Variants in SMARCA2 observed in about 807,000 individuals in gnomAD.
SMARCA2 encodes SWI/SNF-related matrix-associated actin-dependent regulator of chromatin subfamily A member 2.
In SMARCA2, 61 loss-of-function variants were observed where a neutral mutation model predicts 199.8. The observed-to-expected ratio is 0.31, with a 90% CI of 0.25 to 0.38. The LOEUF is 0.38. Among genes scored for constraint, SMARCA2 ranks in the 10% least tolerant of loss-of-function variants. The probability of loss-of-function intolerance (pLI) is 1.00; values close to 1 mark genes in which losing one functional copy is unlikely to be tolerated. For missense variants in SMARCA2, 1,344 were observed against 2,012.2 expected, an observed-to-expected ratio of 0.67 and a Z score of 6.35; for synonymous variants, 935 against 732.0, an observed-to-expected ratio of 1.28 and a Z score of -4.48.
rs541976024 is a variant in SMARCA2 at position 2,123,637 on chromosome 9, C to T, written c.3763-82C>T. 1.6e-6 allele frequency: 2 copies of T among 1,227,110 alleles called. No individual in the cohort carries two copies. The highest frequency in any genetic ancestry group is 2.4e-6 in the Non-Finnish European group (2 of 842,612). The allele number at this position is 1,227,110 out of a possible 1,614,324, so 76.0% of individuals were successfully genotyped here. ...GGGACCCTGCAGCCATAGGAAGTGA[C>T]TTGGGGAAGTTGTGTAGTGCTGGGA... On this transcript the variant is annotated intron_variant, in intron 26 of 33. Transcript: ENST00000349721. The surrounding 1 kb of genome is among the most constrained non-coding windows in gnomAD (Gnocchi z 4.1).
intron 31 of SMARCA2, 53 bp downstream of exon 31, chr9:2,182,295 T>A: frequency 1.9e-6 from 2 of 1,041,444 alleles, no homozygotes; most frequent in Non-Finnish European, 2.9e-6. Context: ...TGCCCGTTGT[T>A]CTTTTTAAGT....
chr9:2,026,604 T>G (rs1193002610), intron 1 of SMARCA2, among the ~76,000 whole-genome samples: 1 of 152,232 alleles, frequency 6.6e-6, no homozygotes, highest in Admixed American at 6.5e-5. Flanking sequence ...CAGCCTAACT[T>G]CAGTGTTTGT....
At position 2,075,779 on chromosome 9, in the gene SMARCA2, C is replaced by T. The variant is rs1225816293; in HGVS notation, c.1936-450C>T. Among the ~76,000 whole-genome samples the T allele has an allele frequency of 2.6e-5, 4 of 152,126 alleles. No homozygotes were observed. The East Asian group carries it at 5.8e-4, about 22-fold the overall frequency. ...TTCAAGCGATTCTCCTGCCTCAGCC[C>T]CCCGAGTAGCTGGGATTACAGGCAT... is the stretch of plus-strand genomic sequence containing the variant. On this transcript the variant is annotated intron_variant, in intron 12 of 33. Transcript: ENST00000349721.
rs1416242865 is a variant in SMARCA2 at position 2,169,631 on chromosome 9, A to G, written c.4200-788A>G. Among the ~76,000 whole-genome samples the G allele has an allele frequency of 6.6e-6, 1 of 152,120 alleles. No individual in the cohort carries two copies. The highest frequency in any genetic ancestry group is 2.4e-5 in the African/African-American group (1 of 41,416). ...AGAAGGGATTTATACATGGACAGGC[A>G]CAGGCTGTGAATCCCAAAGGGTGCT... On this transcript the variant is annotated intron_variant, in intron 28 of 33. Transcript: ENST00000349721. The surrounding 1 kb of genome is among the most constrained non-coding windows in gnomAD (Gnocchi z 6.5).
At chr9:2,047,043 C>T (rs1445219209) in intron 4 of SMARCA2, among the ~76,000 whole-genome samples, 186 bp from the exon 5 acceptor site, 5 of 148,714 alleles carry the variant, frequency 3.4e-5, no homozygotes, top group Admixed American at 1.3e-4. Flanking sequence ...CGTTCCCTGT[C>T]TTGCCCTCCT....
chr9:2,107,483 A>G (rs1210923890), intron 23 of SMARCA2, among the ~76,000 whole-genome samples: 1 of 151,950 alleles, frequency 6.6e-6, no homozygotes, highest in Non-Finnish European at 1.5e-5. Context: ...ATGCCCAGCT[A>G]ACTTTTATAT....
chr9:2,163,468 A>G (rs1825786179), intron 28 of SMARCA2, among the ~76,000 whole-genome samples: 5 of 152,286 alleles, frequency 3.3e-5, no homozygotes, highest in Admixed American at 2.0e-4. Context: ...ACCATGAATC[A>G]GTAACTCTTA....
In SMARCA2 at chr9:2,163,286, A is replaced by G. The variant is rs531603668; in HGVS notation, c.4199+1383A>G. On this transcript the variant is annotated intron_variant, in intron 28 of 33. Coordinates refer to ENST00000349721, the MANE Select transcript of SMARCA2 (RefSeq NM_003070.5). ...TGTGCTGTTTTCCTTTTTTCAAAAA[A>G]TAAATTAAGTTCATCCCCTTTAAGG... 2.6e-5 allele frequency among the ~76,000 whole-genome samples: 4 copies of G among 152,286 alleles called. No individual in the cohort carries two copies. The South Asian group carries it at 8.3e-4, about 32-fold the overall frequency.
intron 5 of SMARCA2, among the ~76,000 whole-genome samples, chr9:2,052,575 C>T (rs942473411): frequency 2.1e-4 from 32 of 152,160 alleles, no homozygotes; most frequent in Admixed American, 9.2e-4. Context: ...GAATAACGTG[C>T]GTATAGCAAA....
intron 27 of SMARCA2, chr9:2,160,328 C>A: frequency 4.3e-6 from 2 of 461,882 alleles, no homozygotes; most frequent in Non-Finnish European, 7.7e-6. Context: ...ATTATTAAGG[C>A]CTAGGCTCAG....
Position 2,153,422 on chromosome 9 carries a change from C to G in SMARCA2, c.3982-8264C>G, listed in dbSNP as rs551638220. Among the ~76,000 whole-genome samples the G allele has an allele frequency of 1.9e-4, 29 of 152,090 alleles. No homozygotes were observed. In the South Asian group the frequency reaches 4.2e-3, roughly 22 times the overall value. Reference sequence around the variant, plus strand: ...GTGGTGTGCGCCTGTAGTCCCAGCTCTCAGGAGGGTGAGGTGGGAGGATTG... The same window carrying G: ...GTGGTGTGCGCCTGTAGTCCCAGCTGTCAGGAGGGTGAGGTGGGAGGATTG... On this transcript the variant is annotated intron_variant, in intron 27 of 33. Transcript: ENST00000349721.
At chr9:2,041,106 A>G (rs74800439) in intron 4 of SMARCA2, 4,668 of 352,516 alleles carry the variant, frequency 0.013, 215 homozygotes, top group African/African-American at 0.089. Context: ...GCCTTATACC[A>G]TGGGAGAGAG....
intron 12 of SMARCA2, among the ~76,000 whole-genome samples, chr9:2,075,891 T>C (rs1293037233): frequency 6.6e-6 from 1 of 152,192 alleles, no homozygotes; most frequent in East Asian, 1.9e-4. Context: ...GAGAGAGTGC[T>C]ACTGAGTGAG....
Position 2,047,314 on chromosome 9 carries a change from C to G in SMARCA2, c.876C>G (p.Pro292=), listed in dbSNP as rs1046917367. 4 of 1,024,004 alleles carry G rather than the reference C, an allele frequency of 3.9e-6. No individual in the cohort carries two copies. Among genetic ancestry groups the G allele is most frequent in the Non-Finnish European group, 4.7e-6 (4 of 850,096 alleles). 63.4% of individuals were successfully genotyped at this position (1,024,004 alleles called of 1,614,324 possible). A position where few individuals can be genotyped will look rare whatever the true frequency, so the allele number is the denominator to read the frequency against. Residue 292 remains proline (P), a synonymous_variant, in exon 5 of 34, where the codon CCC becomes CCG. Coordinates refer to ENST00000349721, the MANE Select transcript of SMARCA2 (RefSeq NM_003070.5). Reference sequence around the variant, plus strand: ...GCGGCCGGCCCTCGCCCGCGCCCCCCGCAGCCGCGCAGCCGCCCGCGGCCG... The same window carrying G: ...GCGGCCGGCCCTCGCCCGCGCCCCCGGCAGCCGCGCAGCCGCCCGCGGCCG... ...APGGRPSPAP[P]AAAQPPAAAV...
At chr9:2,078,711 G>C (rs1367498243) in intron 14 of SMARCA2, among the ~76,000 whole-genome samples, 1 of 152,126 alleles carries the variant, frequency 6.6e-6, no homozygotes, top group Non-Finnish European at 1.5e-5. Flanking sequence ...TTGGGAGGCT[G>C]ATGTGGGCCG....
At chr9:2,029,593 C>T (rs1402228395) in intron 2 of SMARCA2, among the ~76,000 whole-genome samples, 1 of 152,196 alleles carries the variant, frequency 6.6e-6, no homozygotes, top group East Asian at 1.9e-4. Context: ...AGTAACTTAT[C>T]CACTAATGAA....
chr9:2,187,484 T>A (rs1052158483), intron 32 of SMARCA2, among the ~76,000 whole-genome samples: 5 of 152,180 alleles, frequency 3.3e-5, no homozygotes, highest in African/African-American at 1.2e-4. Context: ...CCAGCCTGGA[T>A]AACATAGCAA....
Position 2,161,591 on chromosome 9 carries a change from T to A in SMARCA2, c.3982-95T>A, listed in dbSNP as rs1825678332. 6.2e-6 allele frequency: 5 copies of A among 811,746 alleles called. No homozygotes were observed. The South Asian group carries it at 9.1e-5, about 15-fold the overall frequency. The allele number at this position is 811,746 out of a possible 1,614,324, so 50.3% of individuals were successfully genotyped here. On this transcript the variant is annotated intron_variant, in intron 27 of 33. Coordinates refer to ENST00000349721, the MANE Select transcript of SMARCA2 (RefSeq NM_003070.5). The surrounding 1 kb of genome is among the most constrained non-coding windows in gnomAD (Gnocchi z 4.7). ...TTTTGGTTAATTTCTTTCATTTTAT[T>A]CTAATTGTTGGAGCTATATATAAAT... is the stretch of plus-strand genomic sequence containing the variant.
At chr9:2,064,420 A>C (rs1312857752) in intron 9 of SMARCA2, among the ~76,000 whole-genome samples, 4 of 152,248 alleles carry the variant, frequency 2.6e-5, no homozygotes, top group African/African-American at 9.6e-5. Context: ...AAGCATGTAG[A>C]ATACACCCTA....
Sources: gnomAD v4.1 joint callset for allele counts (sites outside exome capture counted in the v4.1 genomes callset) on GRCh38, gnomAD v4.1.1 for gene constraint, Gnocchi (gnomAD v3.1) non-coding constraint, MANE v1.5 for transcripts, NCBI Gene and HGNC (gene_info 2026-07-23, HGNC 2026-07-21) for gene names.